The following BACH2 variants were observed in gnomAD, a reference collection of about 807,000 sequenced individuals.
BACH2 encodes the protein transcription regulator protein BACH2.
A neutral mutation model predicts 61.8 loss-of-function variants in BACH2; 5 were observed. The ratio of observed to expected loss-of-function variants is 0.08; its 90% CI spans 0.04 to 0.17. The LOEUF is 0.17. BACH2 is among the 10% of genes least tolerant of loss of function. The pLI, the probability that BACH2 is intolerant of heterozygous loss-of-function variation, is 1.00. For missense variants in BACH2, 824 were observed against 1,091.1 expected (o/e 0.76, Z 3.45); for synonymous variants, 446 against 440.1 (o/e 1.01, Z -0.17).
intron 6 of BACH2, among the ~76,000 whole-genome samples, chr6:89,995,409 A>C (rs1005351275): frequency 6.6e-6 from 1 of 152,186 alleles, no homozygotes; most frequent in Non-Finnish European, 1.5e-5. Context: ...AAGAGACATC[A>C]TGGCTGTCAG....
Position 90,004,479 on chromosome 6 carries a change from A to G in BACH2, c.243+4123T>C, listed in dbSNP as rs866928931. Among the ~76,000 whole-genome samples the G allele has an allele frequency of 2.0e-5, 3 of 152,278 alleles. No homozygotes were observed. The Middle Eastern group carries it at 0.01, about 518-fold the overall frequency. ...CAAGGACACAGGAAGCAAGCCAGAG[A>G]AAGGTGGTGAGACCTTGGCAGTAAC... On this transcript the variant is annotated intron_variant, in intron 6 of 8. Transcript: ENST00000257749.
intron 4 of BACH2, among the ~76,000 whole-genome samples, chr6:90,089,889 AAAATAGATGC>A (rs1220229641): frequency 6.6e-6 from 1 of 152,160 alleles, no homozygotes; most frequent in Non-Finnish European, 1.5e-5. Flanking sequence ...TTTGTGCACA[AAAATAGATGC>A]ATATTCTTAT....
intron 4 of BACH2, among the ~76,000 whole-genome samples, chr6:90,123,012 T>C (rs534314898): frequency 1.3e-5 from 2 of 152,346 alleles, no homozygotes; most frequent in African/African-American, 2.4e-5. Context: ...GGGGGTTGAA[T>C]TGAGGTCCCC....
chr6:90,172,199 G>A (rs185390707), intron 4 of BACH2, among the ~76,000 whole-genome samples: 28 of 151,708 alleles, frequency 1.8e-4, no homozygotes, highest in Admixed American at 3.9e-4. Flanking sequence ...CCAGCTACTC[G>A]GAAGGCTGGG....
At chr6:90,138,053 AACACACACACACACACACACACAC>A (rs10602894) in intron 4 of BACH2, among the ~76,000 whole-genome samples, 1 of 143,566 alleles carries the variant, frequency 7.0e-6, no homozygotes, top group Non-Finnish European at 1.5e-5. Context: ...CTAATCATAA[AACACACACACACACACACACACAC>A]ACACACACAC....
chr6:89,981,977 CT>C (rs1053227520), intron 6 of BACH2, among the ~76,000 whole-genome samples: 144 of 147,776 alleles, frequency 9.7e-4, no homozygotes, highest in Non-Finnish European at 1.2e-3. Flanking sequence ...AGATTTCTTT[CT>C]TTTTTTTTTG....
In BACH2 at chr6:90,101,713, A is replaced by C. The variant is rs897544962; in HGVS notation, c.-161-12604T>G. The stretch of plus-strand genomic sequence containing the variant: ...CTGTCAATTTCTGCAAAAATGCTGC[A>C]ATTTTGATAGGGATTGTGTTGACTA... On this transcript the variant is annotated intron_variant, in intron 4 of 8. Coordinates refer to ENST00000257749, the MANE Select transcript of BACH2 (RefSeq NM_021813.4). Among the ~76,000 whole-genome samples, 53 of 152,138 alleles carry C rather than the reference A, an allele frequency of 3.5e-4. 1 individual carries two copies. Among genetic ancestry groups the C allele is most frequent in the African/African-American group, 1.2e-3 (48 of 41,434 alleles).
At chr6:89,973,949 T>C (rs1775509790) in intron 6 of BACH2, among the ~76,000 whole-genome samples, 2 of 152,318 alleles carry the variant, frequency 1.3e-5, no homozygotes, top group Non-Finnish European at 2.9e-5. Context: ...ACATTGCAAT[T>C]TTTTTTCAGC....
intron 6 of BACH2, among the ~76,000 whole-genome samples, chr6:89,957,839 C>A (rs1288562149): frequency 1.3e-5 from 2 of 152,146 alleles, no homozygotes; most frequent in African/African-American, 2.4e-5. Context: ...TGTGCCTGGG[C>A]AATTTTATTA....
chr6:90,036,819 A>G (rs967690651), intron 5 of BACH2, among the ~76,000 whole-genome samples: 3 of 152,172 alleles, frequency 2.0e-5, no homozygotes, highest in Non-Finnish European at 2.9e-5. Flanking sequence ...AATCTTATCA[A>G]TCTATAGACT....
chr6:90,015,504 C>T (rs1421673151), intron 5 of BACH2, among the ~76,000 whole-genome samples: 1 of 152,068 alleles, frequency 6.6e-6, no homozygotes, highest in Non-Finnish European at 1.5e-5. Flanking sequence ...TAAAATTTCC[C>T]TTTTGATTTA....
At chr6:89,993,263 T>A (rs1266315897) in intron 6 of BACH2, among the ~76,000 whole-genome samples, 2 of 152,180 alleles carry the variant, frequency 1.3e-5, no homozygotes, top group Admixed American at 6.5e-5. Context: ...TAGATTCACA[T>A]GAAAACAAGC....
At chr6:90,234,498 G>A (rs1344411367) in intron 3 of BACH2, among the ~76,000 whole-genome samples, 1 of 152,212 alleles carries the variant, frequency 6.6e-6, no homozygotes. Context: ...TCTGCTCACA[G>A]AGCTTCAGTC....
intron 1 of BACH2, among the ~76,000 whole-genome samples, chr6:90,295,173 C>G (rs2127895865): frequency 6.6e-6 from 1 of 152,196 alleles, no homozygotes; most frequent in South Asian, 2.1e-4. Context: ...GGCCACAGGT[C>G]ACGGCGACGG....
chr6:89,972,619 T>C (rs552375754), intron 6 of BACH2, among the ~76,000 whole-genome samples: 8 of 152,284 alleles, frequency 5.3e-5, no homozygotes, highest in African/African-American at 9.6e-5. Context: ...TGGAGGAGGA[T>C]AGGGCTCAGA....
At chr6:90,173,322 A>G (rs898838626) in intron 4 of BACH2, among the ~76,000 whole-genome samples, 2 of 152,202 alleles carry the variant, frequency 1.3e-5, no homozygotes, top group African/African-American at 4.8e-5. Flanking sequence ...ATTAAAAAAT[A>G]GACAACATAT....
intron 4 of BACH2, among the ~76,000 whole-genome samples, chr6:90,166,348 C>T (rs1235294922): frequency 6.6e-6 from 1 of 152,066 alleles, no homozygotes; most frequent in East Asian, 1.9e-4. Flanking sequence ...ATCAAAACCA[C>T]AATGAGATAC....
At chr6:90,074,037 A>G (rs1582314028) in intron 5 of BACH2, among the ~76,000 whole-genome samples, 1 of 152,224 alleles carries the variant, frequency 6.6e-6, no homozygotes, top group East Asian at 1.9e-4. Context: ...TATAAATTAT[A>G]GTGCATGCAC....
intron 5 of BACH2, among the ~76,000 whole-genome samples, chr6:90,085,054 G>A (rs1450571166): frequency 2.6e-5 from 4 of 151,994 alleles, no homozygotes; most frequent in African/African-American, 9.7e-5. Flanking sequence ...AAAAAAGTAG[G>A]GTACAATGGA....
Sources: gnomAD v4.1 joint callset for allele counts (sites outside exome capture counted in the v4.1 genomes callset) on GRCh38, gnomAD v4.1.1 for gene constraint, MANE v1.5 for transcripts, NCBI Gene and HGNC (gene_info 2026-07-23, HGNC 2026-07-21) for gene names.